The following CSGALNACT1 variants were observed in gnomAD, a reference collection of about 807,000 sequenced individuals.
CSGALNACT1 encodes beta4GalNAcT-1.
CSGALNACT1 carries 52 observed loss-of-function variants against 51.0 expected under a neutral mutation model. That is an observed-to-expected ratio of 1.02 (90% CI 0.82 to 1.29). The LOEUF (loss-of-function observed/expected upper bound fraction) is 1.29, where lower values mean the gene tolerates loss of function less well. Among genes scored for constraint, CSGALNACT1 ranks in the 50% most tolerant of loss-of-function variants. CSGALNACT1 has a pLI of 0.00. For synonymous variants in CSGALNACT1, 341 were observed against 254.4 expected (o/e 1.34, Z -3.24); for missense variants, 935 against 679.2 (o/e 1.38, Z -4.19).
intron 1 of CSGALNACT1, among the ~76,000 whole-genome samples, chr8:19,613,947 T>G (rs2052644534): frequency 6.6e-6 from 1 of 152,230 alleles, no homozygotes; most frequent in East Asian, 1.9e-4. Flanking sequence ...AACTAATGCA[T>G]TAATTATTCC....
chr8:19,511,702 G>A (rs754579888), intron 3 of CSGALNACT1, among the ~76,000 whole-genome samples: 1 of 152,112 alleles, frequency 6.6e-6, no homozygotes, highest in Non-Finnish European at 1.5e-5. Flanking sequence ...TGATGTGAGT[G>A]ACTGTATTAG....
At chr8:19,526,984 C>T (rs1481675175) in intron 3 of CSGALNACT1, among the ~76,000 whole-genome samples, 1 of 152,180 alleles carries the variant, frequency 6.6e-6, no homozygotes, top group Admixed American at 6.5e-5. Flanking sequence ...TCTTAGATAT[C>T]CGTATCTATA....
chr8:19,637,496 C>A (rs1210698088), intron 1 of CSGALNACT1, among the ~76,000 whole-genome samples: 1 of 151,918 alleles, frequency 6.6e-6, no homozygotes, highest in Non-Finnish European at 1.5e-5. Context: ...TTGATTATTC[C>A]CCCCGAAGGC....
intron 1 of CSGALNACT1, among the ~76,000 whole-genome samples, chr8:19,675,954 C>T (rs1364281277): frequency 6.6e-6 from 1 of 152,042 alleles, no homozygotes; most frequent in Non-Finnish European, 1.5e-5. Flanking sequence ...GATACAATTT[C>T]AGGACAGACC....
At chr8:19,727,059 C>T (rs556984435) in intron 1 of CSGALNACT1, among the ~76,000 whole-genome samples, 3 of 152,278 alleles carry the variant, frequency 2.0e-5, no homozygotes, top group Admixed American at 2.0e-4. Flanking sequence ...AAGAAGCTTG[C>T]TATTGGTCCA....
At position 19,615,811 on chromosome 8, in the gene CSGALNACT1, T is replaced by C. The variant is rs1011164026; in HGVS notation, c.-543-13946A>G. On this transcript the variant is annotated intron_variant, in intron 1 of 9. Coordinates refer to the CSGALNACT1 transcript ENST00000332246. ...AAGAAAAGATGAATGACAACATTTA[T>C]ATCAAACAATCCAGAATATGAATCA... Among the ~76,000 whole-genome samples, 10 of 152,352 alleles carry C rather than the reference T, an allele frequency of 6.6e-5. No individual in the cohort carries two copies. In the East Asian group the frequency reaches 1.2e-3, roughly 18 times the overall value.
chr8:19,492,821 T>C (rs2074644706), intron 4 of CSGALNACT1, among the ~76,000 whole-genome samples: 1 of 152,186 alleles, frequency 6.6e-6, no homozygotes, highest in Admixed American at 6.5e-5. Context: ...TTTATAGTAA[T>C]CTGTTGACTA....
chr8:19,703,188 C>T (rs2061975962), intron 1 of CSGALNACT1, among the ~76,000 whole-genome samples: 1 of 152,162 alleles, frequency 6.6e-6, no homozygotes, highest in Non-Finnish European at 1.5e-5. Context: ...TCCTTCTCAA[C>T]TAGACCCATG....
At chr8:19,538,167 G>C (rs4922056) in intron 3 of CSGALNACT1, among the ~76,000 whole-genome samples, 78,522 of 151,740 alleles carry the variant, frequency 0.52, 22,246 homozygotes, top group African/African-American at 0.77. Context: ...AAATGAAAAA[G>C]AGAAAATAAA....
At chr8:19,489,216 A>G (rs917654999) in intron 4 of CSGALNACT1, among the ~76,000 whole-genome samples, 2 of 152,170 alleles carry the variant, frequency 1.3e-5, no homozygotes, top group African/African-American at 4.8e-5. Context: ...GAAATACCAA[A>G]CCTACAAATA....
At chr8:19,523,409 T>C (rs1488723097) in intron 3 of CSGALNACT1, among the ~76,000 whole-genome samples, 1 of 152,106 alleles carries the variant, frequency 6.6e-6, no homozygotes, top group Non-Finnish European at 1.5e-5. Flanking sequence ...GGACTACAGA[T>C]GCATGACATG....
chr8:19,457,528 A>G lies in CSGALNACT1; in HGVS notation c.851+898T>C, dbSNP rs148309430. 516 of 476,208 alleles carry G rather than the reference A, an allele frequency of 1.1e-3. 1 individual carries two copies. In the Middle Eastern group the frequency reaches 0.011, roughly 11 times the overall value. The allele number at this position is 476,208 out of a possible 1,614,324, so 29.5% of individuals were successfully genotyped here. On this transcript the variant is annotated intron_variant, in intron 5 of 9. Transcript: ENST00000454498. ...CTTGGGAAGCTGAGGCAGGAGAATT[A>G]CCTGAACCTGGGAGGTGAAGGTTGC...
chr8:19,672,450 T>G (rs2059867742), intron 1 of CSGALNACT1, among the ~76,000 whole-genome samples: 2 of 152,214 alleles, frequency 1.3e-5, no homozygotes, highest in African/African-American at 4.8e-5. Flanking sequence ...GTGAGTCATA[T>G]CTCAGACATA....
chr8:19,525,921 C>A, intron 3 of CSGALNACT1, among the ~76,000 whole-genome samples: 1 of 152,152 alleles, frequency 6.6e-6, no homozygotes, highest in Non-Finnish European at 1.5e-5. Flanking sequence ...TCCTATATAA[C>A]CGTAGTGCAA....
chr8:19,450,444 C>A (rs1451616409), intron 5 of CSGALNACT1, among the ~76,000 whole-genome samples: 1 of 152,164 alleles, frequency 6.6e-6, no homozygotes, highest in East Asian at 1.9e-4. Flanking sequence ...CTGTTACCAG[C>A]CACAGGTAGA....
chr8:19,431,801 A>C (rs1482538976), intron 6 of CSGALNACT1, among the ~76,000 whole-genome samples: 1 of 126,732 alleles, frequency 7.9e-6, no homozygotes, highest in African/African-American at 2.6e-5. Flanking sequence ...CCTCTGTGGA[A>C]AGTTCTTTTT....
intron 1 of CSGALNACT1, among the ~76,000 whole-genome samples, chr8:19,621,684 G>GA (rs1450151984): frequency 1.3e-5 from 2 of 152,028 alleles, no homozygotes; most frequent in African/African-American, 4.8e-5. Flanking sequence ...AGGAGGGTGA[G>GA]ACAGGAGGAT....
At chr8:19,540,969 C>A (rs1417780127) in intron 3 of CSGALNACT1, among the ~76,000 whole-genome samples, 1 of 152,176 alleles carries the variant, frequency 6.6e-6, no homozygotes, top group African/African-American at 2.4e-5. Flanking sequence ...CCTACCCTGT[C>A]CCCAGACTGT....
exon 10 of CSGALNACT1, chr8:19,404,791 T>A (rs973463530): frequency 2.2e-6 from 1 of 454,430 alleles, no homozygotes; most frequent in South Asian, 1.6e-5. Context: ...TACATCACGA[T>A]ATCACCAGTC....
Sources: gnomAD v4.1 joint callset for allele counts (sites outside exome capture counted in the v4.1 genomes callset) on GRCh38, gnomAD v4.1.1 for gene constraint, MANE v1.5 for transcripts, NCBI Gene and HGNC (gene_info 2026-07-23, HGNC 2026-07-21) for gene names.